The following NOS1 variants were observed in gnomAD, a reference collection of about 807,000 sequenced individuals.
NOS1 encodes nitric oxide synthase 1, also known as NOS type I.
In NOS1, 51 loss-of-function variants were observed where a neutral mutation model predicts 164.5. The ratio of observed to expected loss-of-function variants is 0.31; its 90% CI spans 0.25 to 0.39. NOS1 has a LOEUF of 0.39. Among genes scored for constraint, NOS1 ranks in the 10% least tolerant of loss-of-function variants. The pLI is 1.00. For synonymous variants in NOS1, 719 were observed against 745.8 expected (o/e 0.96, Z 0.59); for missense variants, 1,362 against 1,885.6 (o/e 0.72, Z 5.14).
chr12:117,221,506 A>G (rs1956705063), intron 26 of NOS1, among the ~76,000 whole-genome samples: 1 of 150,592 alleles, frequency 6.6e-6, no homozygotes, highest in African/African-American at 2.4e-5. Context: ...TTGGTCTCGA[A>G]CTCCTGACCT....
chr12:117,309,756 T>C (rs1874337071), intron 3 of NOS1, among the ~76,000 whole-genome samples: 4 of 152,052 alleles, frequency 2.6e-5, no homozygotes, highest in African/African-American at 9.7e-5. Flanking sequence ...GACTAAAAAG[T>C]TGGATAACAG....
chr12:117,321,456 T>A (rs1874915688), intron 2 of NOS1, among the ~76,000 whole-genome samples: 1 of 152,154 alleles, frequency 6.6e-6, no homozygotes, highest in Non-Finnish European at 1.5e-5. Flanking sequence ...GCCCCCTGGT[T>A]ACCCATCATT....
Position 117,214,027 on chromosome 12 carries a change from T to C in NOS1, c.*1282A>G, listed in dbSNP as rs2135913008. On this transcript the variant is annotated 3_prime_UTR_variant, in exon 29 of 29. Coordinates refer to ENST00000317775, the MANE Select transcript of NOS1 (RefSeq NM_000620.5). The stretch of plus-strand genomic sequence containing the variant: ...CAGGTTTAAAACTTTGGAGATCAAC[T>C]GCAGAGGGCAACAAGCCTGAGGGAC... 1 of 985,404 alleles carries C rather than the reference T, an allele frequency of 1.0e-6. No homozygotes were observed. Among genetic ancestry groups the C allele is most frequent in the East Asian group, 1.1e-4 (1 of 8,810 alleles). The allele number at this position is 985,404 out of a possible 1,614,324, so 61.0% of individuals were successfully genotyped here.
chr12:117,237,849 G>A (rs1318242344), intron 20 of NOS1, among the ~76,000 whole-genome samples: 2 of 152,128 alleles, frequency 1.3e-5, no homozygotes, highest in Non-Finnish European at 2.9e-5. Flanking sequence ...TATTCTCATT[G>A]AGAAGTCACT....
At chr12:117,328,371 T>C (rs961807921) in intron 2 of NOS1, among the ~76,000 whole-genome samples, 5 of 152,084 alleles carry the variant, frequency 3.3e-5, no homozygotes, top group African/African-American at 1.2e-4. Flanking sequence ...GGTTTCACCA[T>C]GTTGGCAGGT....
chr12:117,229,435 C>T (rs1868993308), intron 22 of NOS1, among the ~76,000 whole-genome samples: 1 of 152,200 alleles, frequency 6.6e-6, no homozygotes, highest in Non-Finnish European at 1.5e-5. Context: ...CCAGCCTTAT[C>T]TGATCCCTTT....
intron 25 of NOS1, among the ~76,000 whole-genome samples, chr12:117,224,283 TTTATA>T (rs1194359900): frequency 6.6e-6 from 1 of 151,858 alleles, no homozygotes; most frequent in Non-Finnish European, 1.5e-5. Context: ...TTTATTTTAT[TTTATA>T]TTTTATTTTT....
In NOS1 at chr12:117,208,467, C is replaced by T. The variant is rs905417560; in HGVS notation, c.*6842G>A. ...GCCCACCTCCCCAGCTTCCCAAGCC[C>T]GGAACGGACACTGCGACGTGGGGTG... On this transcript the variant is annotated 3_prime_UTR_variant, in exon 29 of 29. Coordinates refer to ENST00000317775, the MANE Select transcript of NOS1 (RefSeq NM_000620.5). 26 of 1,272,988 alleles carry T rather than the reference C, an allele frequency of 2.0e-5. No homozygotes were observed. The highest frequency in any genetic ancestry group is 9.2e-5 in the African/African-American group (6 of 65,330). 78.9% of individuals were successfully genotyped at this position (1,272,988 alleles called of 1,614,324 possible). A position where few individuals can be genotyped will look rare whatever the true frequency, so the allele number is the denominator to read the frequency against.
chr12:117,297,326 A>C (rs1403527015), intron 3 of NOS1, among the ~76,000 whole-genome samples: 1 of 152,182 alleles, frequency 6.6e-6, no homozygotes, highest in East Asian at 1.9e-4. Context: ...AGTGGAACTG[A>C]GAGTCTCTGG....
At chr12:117,302,276 G>A (rs540757171) in intron 3 of NOS1, among the ~76,000 whole-genome samples, 2 of 152,270 alleles carry the variant, frequency 1.3e-5, no homozygotes, top group East Asian at 3.9e-4. Flanking sequence ...TATTAGGAAA[G>A]GGAGGCTCAG....
At position 117,272,966 on chromosome 12, in the gene NOS1, C is replaced by CT. The variant is rs1473302490; in HGVS notation, c.1665-408dup. Among the ~76,000 whole-genome samples the CT allele has an allele frequency of 2.0e-5, 3 of 151,968 alleles. No individual in the cohort carries two copies. The highest frequency in any genetic ancestry group is 1.3e-4 in the Admixed American group (2 of 15,246). On this transcript the variant is annotated intron_variant, in intron 9 of 28. Coordinates refer to ENST00000317775, the MANE Select transcript of NOS1 (RefSeq NM_000620.5). The surrounding 1 kb of genome is among the most constrained non-coding windows in gnomAD (Gnocchi z 4.3). ...TGTCACCCAAACTTCTTCTTTCTTT[C>CT]TTTTTTTTGGGGGGTAGGGGAATGC...
rs13377860 is a variant in NOS1, at chr12:117,234,734, G to A, written c.3066C>T (p.Leu1022=). The change falls in exon 21 of 29, where the codon CTC becomes CTT. Residue 1022 remains leucine, a synonymous_variant. Coordinates refer to ENST00000317775, the MANE Select transcript of NOS1 (RefSeq NM_000620.5). This position sits in a 1 kb window ranked among gnomAD's most constrained non-coding sequence, Gnocchi z 4.3. ...KSSRSTIFVR[L]HTNGSQELQY... ...GCAGCTCCTGGCTCCCGTTGGTGTG[G>A]AGACGCACGAAGATAGTTGACCGAC... 1 of 1,613,114 alleles carries A rather than the reference G, an allele frequency of 6.2e-7. No homozygotes were observed.
chr12:117,232,732 T>A lies in NOS1; in HGVS notation c.3236-601A>T, dbSNP rs139648820. Among the ~76,000 whole-genome samples, 141 of 152,304 alleles carry A rather than the reference T, an allele frequency of 9.3e-4. 3 individuals are homozygous for A. The East Asian group carries it at 0.018, about 19-fold the overall frequency. On this transcript the variant is annotated intron_variant, in intron 21 of 28. Transcript: ENST00000317775. ...AGACGTTGTTCTAACTACTATATTG[T>A]ACCCCCTCTATACACTCTTCATCCA...
chr12:117,240,132 T>C (rs1009495365), intron 20 of NOS1, among the ~76,000 whole-genome samples: 1 of 152,192 alleles, frequency 6.6e-6, no homozygotes, highest in Non-Finnish European at 1.5e-5. Context: ...GGCCTTCTCA[T>C]ACAATGCTAC....
intron 17 of NOS1, among the ~76,000 whole-genome samples, chr12:117,248,399 G>A (rs9658458): frequency 0.093 from 13,897 of 149,222 alleles, 1,984 homozygotes; most frequent in African/African-American, 0.32. Context: ...TCCTGTGTCC[G>A]TGTGTTCTCA....
At position 117,301,471 on chromosome 12, in the gene NOS1, T is replaced by C. The variant is rs75098746; in HGVS notation, c.852+9995A>G. 3.5e-4 allele frequency among the ~76,000 whole-genome samples: 54 copies of C among 152,312 alleles called. No individual in the cohort carries two copies. The East Asian group carries it at 5.0e-3, about 14-fold the overall frequency. On this transcript the variant is annotated intron_variant, in intron 3 of 28. Transcript: ENST00000317775. The stretch of plus-strand genomic sequence containing the variant: ...ATTCAGTAAATGCCTATTTGGTGCC[T>C]GACCTGGGCTAGGCCACTGCACATC...
At chr12:117,224,853 A>G (rs562706765) in intron 25 of NOS1, among the ~76,000 whole-genome samples, 163 bp downstream of exon 25, 2 of 152,130 alleles carry the variant, frequency 1.3e-5, no homozygotes, top group Non-Finnish European at 2.9e-5. Context: ...GGATTACACC[A>G]TGAACTTCAC....
At position 117,208,558 on chromosome 12, in the gene NOS1, C is replaced by T. The variant is rs767023494; in HGVS notation, c.*6751G>A. The T allele has an allele frequency of 8.3e-7, 1 of 1,206,344 alleles. No homozygotes were observed. Among genetic ancestry groups the T allele is most frequent in the African/African-American group, 1.6e-5 (1 of 63,430 alleles). The allele number at this position is 1,206,344 out of a possible 1,614,324, so 74.7% of individuals were successfully genotyped here. On this transcript the variant is annotated 3_prime_UTR_variant, in exon 29 of 29. Coordinates refer to ENST00000317775, the MANE Select transcript of NOS1 (RefSeq NM_000620.5). The stretch of plus-strand genomic sequence containing the variant: ...AGCCAGGAGTGTGAGTCTTAACAAT[C>T]ACAACGAGAACACAACAATGAAAAC...
intron 1 of NOS1, among the ~76,000 whole-genome samples, chr12:117,357,525 A>C (rs187340144): frequency 9.2e-5 from 14 of 152,344 alleles, no homozygotes; most frequent in Admixed American, 2.0e-4. Context: ...GTTCTATCCC[A>C]GCTTTGGCAG....
Sources: gnomAD v4.1 joint callset for allele counts (sites outside exome capture counted in the v4.1 genomes callset) on GRCh38, gnomAD v4.1.1 for gene constraint, Gnocchi (gnomAD v3.1) non-coding constraint, MANE v1.5 for transcripts, NCBI Gene and HGNC (gene_info 2026-07-23, HGNC 2026-07-21) for gene names.